The following ANKRD36B variants were observed in gnomAD, a reference collection of about 807,000 sequenced individuals.
ANKRD36B encodes the protein ankyrin repeat domain 36B.
In ANKRD36B, 37 loss-of-function variants were observed where a neutral mutation model predicts 135.7. The ratio of observed to expected loss-of-function variants is 0.27; its 90% CI spans 0.21 to 0.36. The LOEUF (loss-of-function observed/expected upper bound fraction) is 0.36. Ranked by LOEUF, ANKRD36B falls within the 10% of genes least tolerant of loss-of-function variation. The pLI is 1.00. For missense variants in ANKRD36B, 549 were observed against 1,037.1 expected (o/e 0.53, Z 6.46); for synonymous variants, 179 against 348.1 (o/e 0.51, Z 5.41).
At chr2:97,524,240 A>T (rs1465994278) in intron 35 of ANKRD36B, 1 of 92,208 alleles carries the variant, frequency 1.1e-5, no homozygotes, top group Non-Finnish European at 2.9e-5. Flanking sequence ...CATACCTAAA[A>T]GGCTTTTTGA....
At chr2:97,562,627 T>G (rs1352457607) in intron 6 of ANKRD36B, among the ~76,000 whole-genome samples, 1 of 152,008 alleles carries the variant, frequency 6.6e-6, no homozygotes, top group African/African-American at 2.4e-5. Flanking sequence ...CCTGCCCAAT[T>G]TGACATACAT....
chr2:97,584,722 T>A (rs2082857508), intron 3 of ANKRD36B, among the ~76,000 whole-genome samples: 1 of 137,222 alleles, frequency 7.3e-6, no homozygotes, highest in African/African-American at 3.1e-5. Context: ...CATTTGTTTT[T>A]ATAGTTATTT....
intron 37 of ANKRD36B, among the ~76,000 whole-genome samples, chr2:97,513,922 C>T (rs1319332156): frequency 8.3e-6 from 1 of 120,022 alleles, no homozygotes; most frequent in Admixed American, 7.4e-5. Context: ...GCCTGGAAGC[C>T]CCAGCTTTGA....
chr2:97,539,548 T>G lies in ANKRD36B; in HGVS notation c.1987+486A>C, dbSNP rs1429169651. Among the ~76,000 whole-genome samples the G allele has an allele frequency of 3.1e-5, 3 of 96,772 alleles. 1 individual carries two copies. The highest frequency in any genetic ancestry group is 9.3e-5 in the African/African-American group (3 of 32,366). 63.5% of individuals were successfully genotyped at this position (96,772 alleles called of 152,430 possible). A position where few individuals can be genotyped will look rare whatever the true frequency, so the allele number is the denominator to read the frequency against. On this transcript the variant is annotated intron_variant, in intron 30 of 43. Transcript: ENST00000359901. ...CAAAATTACCTAAATAACTTCTTAT[T>G]TTCCCTCCTTTCTGCCTGACAATCC...
At chr2:97,576,876 G>A (rs959238343) in intron 5 of ANKRD36B, among the ~76,000 whole-genome samples, 12 of 152,024 alleles carry the variant, frequency 7.9e-5, no homozygotes, top group Non-Finnish European at 1.0e-4. Context: ...GTAAAGCAGT[G>A]GAGCTTGTTC....
intron 43 of ANKRD36B, among the ~76,000 whole-genome samples, chr2:97,496,847 A>G (rs1329672428): frequency 1.4e-5 from 1 of 72,340 alleles, no homozygotes; most frequent in East Asian, 2.5e-4. Context: ...ATATATATAT[A>G]TATATATATA....
intron 12 of ANKRD36B, among the ~76,000 whole-genome samples, chr2:97,555,698 GA>G (rs1369185434): frequency 6.6e-6 from 1 of 151,866 alleles, no homozygotes; most frequent in South Asian, 2.1e-4. Context: ...TGATAACTGA[GA>G]AAGTACACAA....
At chr2:97,546,443 G>A (rs1297882567) in intron 22 of ANKRD36B, among the ~76,000 whole-genome samples, 2 of 151,570 alleles carry the variant, frequency 1.3e-5, no homozygotes, top group South Asian at 2.1e-4. Context: ...TCTCTCACAC[G>A]CACGTGGTGC....
chr2:97,556,352 T>C (rs2080520392), intron 12 of ANKRD36B, among the ~76,000 whole-genome samples: 1 of 151,888 alleles, frequency 6.6e-6, no homozygotes, highest in Non-Finnish European at 1.5e-5. Flanking sequence ...CAGTCAGAAA[T>C]CAAATCTTCT....
chr2:97,545,649 T>C lies in ANKRD36B; in HGVS notation c.1681+17A>G. On this transcript the variant is annotated intron_variant, in intron 24 of 43. Coordinates refer to ENST00000359901, the MANE Select transcript of ANKRD36B (RefSeq NM_001393939.1). ...TATCTTGAACGAACATCATATTAAA[T>C]GTGTTTGCAAAATTACCTGTCCCAG... is the stretch of plus-strand genomic sequence containing the variant. The C allele has an allele frequency of 1.0e-6, 1 of 960,572 alleles. No homozygotes were observed. The highest frequency in any genetic ancestry group is 1.2e-5 in the South Asian group (1 of 81,728). 59.5% of individuals were successfully genotyped at this position (960,572 alleles called of 1,614,324 possible).
Position 97,538,186 on chromosome 2 carries a change from C to G in ANKRD36B, c.2071G>C (p.Gly691Arg), listed in dbSNP as rs752848875. Reference protein sequence around the residue: ...LLNIATRITGGGKSGTEYPEN... With the variant: ...LLNIATRITGRGKSGTEYPEN... ...AAATTACCTGTTCCAGATTTCCCAC[C>G]GCCCGTTATTCTTGTGGCAATATTC... Residue 691 changes from glycine to arginine, a missense_variant, in exon 32 of 44, where the codon GGT becomes CGT. Gly to Arg is a moderately radical substitution (Grantham distance 125). Transcript: ENST00000359901. The G allele has an allele frequency of 5.5e-6, 7 of 1,279,952 alleles. 2 individuals are homozygous for G. The South Asian group carries it at 8.4e-5, about 15-fold the overall frequency. The allele number at this position is 1,279,952 out of a possible 1,614,324, so 79.3% of individuals were successfully genotyped here.
rs540614244 is a variant in ANKRD36B, at chr2:97,540,728, C to T, written c.1886-499G>A. On this transcript the variant is annotated intron_variant, in intron 28 of 43. Transcript: ENST00000359901. Reference sequence around the variant, plus strand: ...CTTCAGTTGAATGTACACTTCACGTCTCTTCAGTAGAAGTGTCCTAAATTG... The same window carrying T: ...CTTCAGTTGAATGTACACTTCACGTTTCTTCAGTAGAAGTGTCCTAAATTG... Among the ~76,000 whole-genome samples, 5 of 96,660 alleles carry T rather than the reference C, an allele frequency of 5.2e-5. 2 individuals carry two copies. Among genetic ancestry groups the T allele is most frequent in the African/African-American group, 1.5e-4 (5 of 32,514 alleles). 63.4% of individuals were successfully genotyped at this position (96,660 alleles called of 152,430 possible).
intron 20 of ANKRD36B, 32 bp from the exon 21 acceptor site, chr2:97,547,763 T>C (rs1340642672): frequency 2.6e-6 from 4 of 1,546,106 alleles, no homozygotes; most frequent in Admixed American, 1.9e-5. Context: ...TAATCACTCA[T>C]ATGTAAAAAT....
At chr2:97,561,035 G>C (rs947298145) in intron 6 of ANKRD36B, among the ~76,000 whole-genome samples, 175 bp from the exon 7 acceptor site, 14 of 151,264 alleles carry the variant, frequency 9.3e-5, no homozygotes, top group African/African-American at 3.2e-4. Context: ...ATACACTGAA[G>C]AAAATAGGAA....
At chr2:97,549,720 C>T (rs6750197) in intron 18 of ANKRD36B, 106 bp from the exon 19 acceptor site, 925,153 of 1,514,044 alleles carry the variant, frequency 0.61, 306,655 homozygotes, top group Non-Finnish European at 0.67. Context: ...CCTGTATTAG[C>T]GTAGGCTTTG....
At chr2:97,555,514 T>C (rs1464568681) in intron 12 of ANKRD36B, among the ~76,000 whole-genome samples, 1 of 151,906 alleles carries the variant, frequency 6.6e-6, no homozygotes, top group African/African-American at 2.4e-5. Flanking sequence ...TTAGTATCAA[T>C]GTGAATATGC....
intron 35 of ANKRD36B, among the ~76,000 whole-genome samples, chr2:97,531,760 T>C (rs2078615583): frequency 1.0e-5 from 1 of 96,500 alleles, no homozygotes; most frequent in African/African-American, 3.1e-5. Flanking sequence ...TGTACACTAA[T>C]ACCAAAGGTG....
rs1363226157 is a variant in ANKRD36B at position 97,516,207 on chromosome 2, A to C, written c.2408-262T>G. ...ATAGGTCCTGTAAAAAAAAAAAAAA[A>C]AAAAAAACATAGTTATGTGATTGCA... On this transcript the variant is annotated intron_variant, in intron 36 of 43. Transcript: ENST00000359901. Among the ~76,000 whole-genome samples, 3 of 63,744 alleles carry C rather than the reference A, an allele frequency of 4.7e-5. 1 individual carries two copies. Among genetic ancestry groups the C allele is most frequent in the Non-Finnish European group, 1.3e-4 (3 of 23,416 alleles). The allele number at this position is 63,744 out of a possible 152,430, so 41.8% of individuals were successfully genotyped here.
chr2:97,578,787 G>T, intron 5 of ANKRD36B, 119 bp downstream of exon 5: 1 of 1,283,944 alleles, frequency 7.8e-7, no homozygotes, highest in South Asian at 2.1e-5. Flanking sequence ...TTGAAAATTT[G>T]TCACTTGAAA....
Sources: gnomAD v4.1 joint callset for allele counts (sites outside exome capture counted in the v4.1 genomes callset) on GRCh38, gnomAD v4.1.1 for gene constraint, MANE v1.5 for transcripts, NCBI Gene and HGNC (gene_info 2026-07-23, HGNC 2026-07-21) for gene names.